FBXO11: variants seen among roughly 807,000 people sequenced by gnomAD.
The protein encoded by FBXO11 is F-box only protein 11.
Under a neutral mutation model 117.0 loss-of-function variants are expected in FBXO11, and 13 were observed. That is an observed-to-expected ratio of 0.11 (90% CI 0.07 to 0.18). The LOEUF (loss-of-function observed/expected upper bound fraction) is 0.18. Ranked by LOEUF, FBXO11 falls within the 10% of genes least tolerant of loss-of-function variation. The pLI is 1.00. For missense variants in FBXO11, 767 were observed against 1,164.4 expected, an observed-to-expected ratio of 0.66 and a Z score of 4.97; for synonymous variants, 490 against 380.5, an observed-to-expected ratio of 1.29 and a Z score of -3.35.
intron 16 of FBXO11, 21 bp downstream of exon 16, chr2:47,818,758 G>T: frequency 6.5e-7 from 1 of 1,548,832 alleles, no homozygotes; most frequent in Non-Finnish European, 8.7e-7. Context: ...CCAAAAGATA[G>T]CCAAATATGA....
rs1316681376 is a variant in FBXO11, at chr2:47,820,347, T to TA, written c.1797+14dup. On this transcript the variant is annotated intron_variant, in intron 14 of 22. Coordinates refer to ENST00000403359, the MANE Select transcript of FBXO11 (RefSeq NM_001190274.2). Reference sequence around the variant, plus strand: ...TGATGCATGAGTTTATAGGGAACTATATACATTAACTTACCACATAAATCC... The same window carrying TA: ...TGATGCATGAGTTTATAGGGAACTATAATACATTAACTTACCACATAAATCC... 6.2e-7 allele frequency: 1 copy of TA among 1,605,268 alleles called. No homozygotes were observed.
chr2:47,896,036 TA>T (rs1200985026), intron 1 of FBXO11, among the ~76,000 whole-genome samples: 2 of 152,226 alleles, frequency 1.3e-5, no homozygotes, highest in East Asian at 1.9e-4. Flanking sequence ...ATTTATATTT[TA>T]AAAACTATAG....
At chr2:47,813,425 A>ATTTCTTTTTTTTTTTTTTTTT (rs1670764081) in intron 17 of FBXO11, 48 bp from the exon 18 acceptor site, 1 of 327,432 alleles carries the variant, frequency 3.1e-6, no homozygotes, top group African/African-American at 5.4e-5. Context: ...TTTCTTTTTA[A>ATTTCTTTTTTTTTTTTTTTTT]TTTTTTTTTT....
chr2:47,842,553 C>T (rs60441304), intron 1 of FBXO11, among the ~76,000 whole-genome samples: 7,751 of 151,980 alleles, frequency 0.051, 655 homozygotes, highest in African/African-American at 0.18. Flanking sequence ...GTCAGCTAAC[C>T]TTGGGTGTAA....
intron 4 of FBXO11, chr2:47,837,081 C>T (rs1672639172): frequency 4.5e-6 from 1 of 224,658 alleles, no homozygotes; most frequent in Non-Finnish European, 9.3e-6. Flanking sequence ...CTTAATTTGT[C>T]CTATATCTTC....
chr2:47,902,007 C>T (rs566049776), intron 1 of FBXO11, among the ~76,000 whole-genome samples: 2 of 152,344 alleles, frequency 1.3e-5, no homozygotes, highest in South Asian at 2.1e-4. Context: ...GTGATCTCAG[C>T]TCACTACAAC....
intron 1 of FBXO11, among the ~76,000 whole-genome samples, chr2:47,878,200 CA>C (rs954931730): frequency 8.5e-5 from 13 of 152,132 alleles, no homozygotes; most frequent in African/African-American, 3.1e-4. Context: ...GTAATAAAAA[CA>C]GGCTGTTCAT....
intron 1 of FBXO11, among the ~76,000 whole-genome samples, chr2:47,876,097 A>G (rs1429048548): frequency 6.6e-6 from 1 of 152,232 alleles, no homozygotes; most frequent in Non-Finnish European, 1.5e-5. Context: ...GTTAGTAAGA[A>G]ATAAGCTAGT....
rs888731693 is a variant in FBXO11, at chr2:47,837,379, T to C, written c.588-1378A>G. On this transcript the variant is annotated intron_variant, in intron 4 of 22. Coordinates refer to ENST00000403359, the MANE Select transcript of FBXO11 (RefSeq NM_001190274.2). ...CTGTCTCTACTAAAAATACAAAAAA[T>C]AGCTGGGCATGGTGGGAGGTGCCTG... 2.6e-5 allele frequency among the ~76,000 whole-genome samples: 4 copies of C among 152,042 alleles called. 1 individual carries two copies. The South Asian group carries it at 8.3e-4, about 32-fold the overall frequency.
intron 1 of FBXO11, among the ~76,000 whole-genome samples, chr2:47,894,438 T>C (rs1262631750): frequency 6.6e-6 from 1 of 152,102 alleles, no homozygotes; most frequent in Non-Finnish European, 1.5e-5. Context: ...AAGAAACAGG[T>C]TCCAAACTTA....
intron 1 of FBXO11, among the ~76,000 whole-genome samples, chr2:47,878,930 G>C (rs979736333): frequency 6.6e-6 from 1 of 152,006 alleles, no homozygotes; most frequent in African/African-American, 2.4e-5. Flanking sequence ...AGTGAGCTGA[G>C]ATCACGCCAC....
intron 1 of FBXO11, among the ~76,000 whole-genome samples, chr2:47,852,645 T>C (rs1347527482): frequency 6.6e-6 from 1 of 152,186 alleles, no homozygotes; most frequent in Non-Finnish European, 1.5e-5. Flanking sequence ...CTTTATTGTA[T>C]CAATACAAAT....
intron 1 of FBXO11, among the ~76,000 whole-genome samples, chr2:47,871,809 T>A (rs1675645537): frequency 1.3e-5 from 2 of 152,252 alleles, no homozygotes; most frequent in Non-Finnish European, 2.9e-5. Flanking sequence ...AATTCTGACA[T>A]AAACAAATTC....
rs1438889577 is a variant in FBXO11 at position 47,865,549 on chromosome 2, T to C, written c.233-25780A>G. Among the ~76,000 whole-genome samples, 4 of 152,208 alleles carry C rather than the reference T, an allele frequency of 2.6e-5. No individual in the cohort carries two copies. The South Asian group carries it at 8.3e-4, about 31-fold the overall frequency. On this transcript the variant is annotated intron_variant, in intron 1 of 22. Transcript: ENST00000403359. The stretch of plus-strand genomic sequence containing the variant: ...GTCATAGTGGAGCCTTCATACCAAC[T>C]CTAGATGCTTACCTGTAGACTTTCA...
chr2:47,836,805 C>T (rs1369725709), intron 4 of FBXO11, among the ~76,000 whole-genome samples: 1 of 152,056 alleles, frequency 6.6e-6, no homozygotes, highest in African/African-American at 2.4e-5. Context: ...CTTTTTGAGA[C>T]AGAGTCTCAC....
At chr2:47,901,021 GTA>G (rs757387655) in intron 1 of FBXO11, among the ~76,000 whole-genome samples, 62 of 129,964 alleles carry the variant, frequency 4.8e-4, no homozygotes, top group Admixed American at 6.7e-4. Context: ...ATATATTTAT[GTA>G]TATATATACA....
At chr2:47,903,024 C>G (rs1394363463) in intron 1 of FBXO11, among the ~76,000 whole-genome samples, 14 of 151,968 alleles carry the variant, frequency 9.2e-5, no homozygotes. Context: ...CAACAAAATC[C>G]CTTTCTTTCC....
At chr2:47,815,010 A>G (rs1670911335) in intron 16 of FBXO11, among the ~76,000 whole-genome samples, 1 of 152,166 alleles carries the variant, frequency 6.6e-6, no homozygotes, top group African/African-American at 2.4e-5. Context: ...CAATTCAGTC[A>G]CATCTTCATG....
chr2:47,823,072 C>T, intron 12 of FBXO11, 71 bp downstream of exon 12: 2 of 1,105,714 alleles, frequency 1.8e-6, no homozygotes, highest in Admixed American at 4.8e-5. Context: ...AGAGTTAAAG[C>T]TCAATATCTT....
Sources: allele counts gnomAD v4.1 joint callset (sites outside exome capture counted in the v4.1 genomes callset), GRCh38; gene constraint gnomAD v4.1.1; transcripts MANE v1.5; gene names NCBI Gene and HGNC (gene_info 2026-07-23, HGNC 2026-07-21).